KCNN2: variants seen among roughly 807,000 people sequenced by gnomAD.
The protein encoded by KCNN2 is potassium calcium-activated channel subfamily N member 2, also known as small conductance calcium-activated potassium channel protein 2.
Under a neutral mutation model 55.5 loss-of-function variants are expected in KCNN2, and 24 were observed. That is an observed-to-expected ratio of 0.43 (90% CI 0.31 to 0.61). KCNN2 has a LOEUF of 0.61. Among genes scored for constraint, KCNN2 ranks in the 20% least tolerant of loss-of-function variants. The probability of loss-of-function intolerance (pLI) is 0.08; values close to 1 mark genes in which losing one functional copy is unlikely to be tolerated. For missense variants in KCNN2, 754 were observed against 853.6 expected, an observed-to-expected ratio of 0.88 and a Z score of 1.45; for synonymous variants, 431 against 336.1, an observed-to-expected ratio of 1.28 and a Z score of -3.09.
At chr5:114,157,689 A>T (rs911566244) in intron 1 of KCNN2, among the ~76,000 whole-genome samples, 1 of 152,148 alleles carries the variant, frequency 6.6e-6, no homozygotes, top group Non-Finnish European at 1.5e-5. Flanking sequence ...CTTTTTAGTG[A>T]TCACCATTCT....
At chr5:114,158,621 C>A (rs1488700918) in intron 1 of KCNN2, among the ~76,000 whole-genome samples, 2 of 151,648 alleles carry the variant, frequency 1.3e-5, no homozygotes, top group African/African-American at 2.4e-5. Flanking sequence ...GATATTGATT[C>A]TTCCTACCCA....
At chr5:114,363,291 C>G in intron 1 of KCNN2, 30 bp downstream of exon 1, 2 of 1,547,152 alleles carry the variant, frequency 1.3e-6, no homozygotes, top group Non-Finnish European at 1.7e-6. Context: ...CCCACGCTAC[C>G]GGAGTCGGGC....
intron 2 of KCNN2, among the ~76,000 whole-genome samples, chr5:114,328,242 C>G (rs1177788524): frequency 6.6e-6 from 1 of 152,112 alleles, no homozygotes; most frequent in Non-Finnish European, 1.5e-5. Flanking sequence ...CTAGCTGCTG[C>G]TGAATCATTC....
At chr5:114,392,606 C>T (rs1367974348) in intron 2 of KCNN2, among the ~76,000 whole-genome samples, 2 of 152,078 alleles carry the variant, frequency 1.3e-5, no homozygotes. Flanking sequence ...TCAATTTTTT[C>T]CCTCCTGCAG....
At chr5:114,343,489 T>G (rs982687074) in intron 2 of KCNN2, among the ~76,000 whole-genome samples, 2 of 152,122 alleles carry the variant, frequency 1.3e-5, no homozygotes, top group Admixed American at 1.3e-4. Flanking sequence ...TTAGAGGGAA[T>G]TTTAGGTGCA....
At chr5:114,342,050 C>T (rs916405580) in intron 2 of KCNN2, among the ~76,000 whole-genome samples, 25 of 151,952 alleles carry the variant, frequency 1.6e-4, no homozygotes, top group African/African-American at 4.4e-4. Context: ...TACAGGCACC[C>T]GCCACCATGC....
chr5:114,445,734 A>G (rs1273959607), intron 3 of KCNN2, among the ~76,000 whole-genome samples: 1 of 152,252 alleles, frequency 6.6e-6, no homozygotes, highest in East Asian at 1.9e-4. Flanking sequence ...TTGTAAATGT[A>G]TAAATTAAGC....
intron 1 of KCNN2, among the ~76,000 whole-genome samples, chr5:114,069,429 T>A (rs995034272): frequency 6.6e-6 from 1 of 152,212 alleles, no homozygotes; most frequent in Non-Finnish European, 1.5e-5. Flanking sequence ...CATCTCCAGT[T>A]TTTTTAGTAA....
chr5:114,133,633 A>G (rs116094265), intron 1 of KCNN2, among the ~76,000 whole-genome samples: 2,530 of 152,220 alleles, frequency 0.017, 55 homozygotes, highest in African/African-American at 0.057. Flanking sequence ...CCTTTTGGTT[A>G]CCTCTTGGCT....
At chr5:114,170,444 G>A in intron 1 of KCNN2, among the ~76,000 whole-genome samples, 1 of 151,880 alleles carries the variant, frequency 6.6e-6, no homozygotes, top group East Asian at 1.9e-4. Flanking sequence ...TATGCTTTGT[G>A]GTGGGGAACA....
rs553617375 is a variant in KCNN2 at position 114,398,722 on chromosome 5, C to A, written c.1219-5716C>A. Among the ~76,000 whole-genome samples, 13 of 152,148 alleles carry A rather than the reference C, an allele frequency of 8.5e-5. No homozygotes were observed. The East Asian group carries it at 2.5e-3, about 29-fold the overall frequency. On this transcript the variant is annotated intron_variant, in intron 2 of 7. Coordinates refer to ENST00000673685, the MANE Select transcript of KCNN2 (RefSeq NM_021614.4). ...TTATGTAATTTCTGATTTCTTTGGG[C>A]AGTGTTTTGTAATTTTCCTCACAGA...
chr5:114,314,803 G>A (rs1203983607), intron 2 of KCNN2, among the ~76,000 whole-genome samples: 1 of 152,118 alleles, frequency 6.6e-6, no homozygotes, highest in Non-Finnish European at 1.5e-5. Context: ...ATTACACTTT[G>A]AAGCATAAGA....
intron 2 of KCNN2, among the ~76,000 whole-genome samples, chr5:114,262,999 A>C (rs1001001831): frequency 2.4e-4 from 37 of 152,212 alleles, no homozygotes; most frequent in African/African-American, 8.0e-4. Context: ...GACCTAATAA[A>C]AATAAATGAA....
At chr5:114,207,579 C>A (rs553089171) in intron 1 of KCNN2, among the ~76,000 whole-genome samples, 8 of 152,200 alleles carry the variant, frequency 5.3e-5, no homozygotes, top group South Asian at 2.1e-4. Flanking sequence ...CTTATTTGGG[C>A]AAATTATTGT....
At chr5:114,460,069 C>CAGG (rs1214442228) in intron 3 of KCNN2, among the ~76,000 whole-genome samples, 5 of 152,252 alleles carry the variant, frequency 3.3e-5, no homozygotes, top group Admixed American at 2.6e-4. Flanking sequence ...GCTGCAGGAG[C>CAGG]AGGAGATTAG....
At chr5:114,320,401 C>T (rs1463135066) in intron 2 of KCNN2, among the ~76,000 whole-genome samples, 6 of 152,060 alleles carry the variant, frequency 3.9e-5, no homozygotes, top group African/African-American at 1.2e-4. Flanking sequence ...ATCATGAGGT[C>T]AGGAGATCAA....
At chr5:114,309,610 C>T (rs1756357464) in intron 2 of KCNN2, among the ~76,000 whole-genome samples, 1 of 152,194 alleles carries the variant, frequency 6.6e-6, no homozygotes, top group South Asian at 2.1e-4. Flanking sequence ...CAGATAAAGT[C>T]ATTAATTCAT....
At chr5:114,460,734 A>G (rs937195836) in intron 3 of KCNN2, among the ~76,000 whole-genome samples, 1 of 152,228 alleles carries the variant, frequency 6.6e-6, no homozygotes, top group Non-Finnish European at 1.5e-5. Flanking sequence ...GCATTACAAC[A>G]TACGTCAAAT....
At chr5:114,189,959 A>G (rs1273889302) in intron 1 of KCNN2, among the ~76,000 whole-genome samples, 1 of 152,208 alleles carries the variant, frequency 6.6e-6, no homozygotes, top group South Asian at 2.1e-4. Flanking sequence ...AGTGAAAAGC[A>G]AAAGTTCAAA....
Sources: gnomAD v4.1 joint callset for allele counts (sites outside exome capture counted in the v4.1 genomes callset) on GRCh38, gnomAD v4.1.1 for gene constraint, MANE v1.5 for transcripts, NCBI Gene and HGNC (gene_info 2026-07-23, HGNC 2026-07-21) for gene names.